The following CSMD3 variants were observed in gnomAD, a reference collection of about 807,000 sequenced individuals.
CSMD3 encodes the protein CUB and Sushi multiple domains 3.
In CSMD3, 177 loss-of-function variants were observed where a neutral mutation model predicts 435.2. That is an observed-to-expected ratio of 0.41 (90% CI 0.36 to 0.46). CSMD3 has a LOEUF of 0.46. Ranked by LOEUF, CSMD3 falls within the 20% of genes least tolerant of loss-of-function variation. The pLI is 0.34. For synonymous variants in CSMD3, 1,656 were observed against 1,520.5 expected (o/e 1.09, Z -2.07); for missense variants, 4,265 against 4,504.6 (o/e 0.95, Z 1.52).
At chr8:113,032,861 T>A (rs138815461) in intron 5 of CSMD3, among the ~76,000 whole-genome samples, 1 of 151,420 alleles carries the variant, frequency 6.6e-6, no homozygotes, top group African/African-American at 2.4e-5. Context: ...CAGGGCCCCA[T>A]TGGTCTGTGC....
chr8:112,720,765 T>C (rs1313176199), intron 13 of CSMD3, among the ~76,000 whole-genome samples: 2 of 152,224 alleles, frequency 1.3e-5, no homozygotes, highest in South Asian at 4.1e-4. Flanking sequence ...GTTCACAGTC[T>C]AGATTTCAGA....
chr8:113,234,893 C>G (rs2093129995), intron 3 of CSMD3, among the ~76,000 whole-genome samples: 2 of 151,942 alleles, frequency 1.3e-5, no homozygotes, highest in African/African-American at 4.8e-5. Context: ...GGGTCTGATT[C>G]TTTTTTTAAG....
At chr8:112,475,625 G>A (rs186527295) in intron 31 of CSMD3, among the ~76,000 whole-genome samples, 1 of 151,838 alleles carries the variant, frequency 6.6e-6, no homozygotes, top group African/African-American at 2.4e-5. Context: ...AAGTAATTGC[G>A]GTTTTGGGCA....
At chr8:112,334,928 A>C (rs1259289517) in intron 45 of CSMD3, among the ~76,000 whole-genome samples, 1 of 152,228 alleles carries the variant, frequency 6.6e-6, no homozygotes, top group Non-Finnish European at 1.5e-5. Context: ...CAAAGCGTGA[A>C]GATACTGAAT....
intron 13 of CSMD3, among the ~76,000 whole-genome samples, chr8:112,734,657 AATT>A (rs747360699): frequency 6.6e-6 from 1 of 151,902 alleles, no homozygotes; most frequent in Non-Finnish European, 1.5e-5. Flanking sequence ...CATTTTTAGG[AATT>A]ATTATTATTC....
intron 4 of CSMD3, among the ~76,000 whole-genome samples, chr8:113,154,924 T>C (rs2091902526): frequency 6.6e-6 from 1 of 152,048 alleles, no homozygotes; most frequent in Non-Finnish European, 1.5e-5. Context: ...GTCTATTTTG[T>C]GTCCTAATGA....
chr8:112,509,366 A>T (rs1822862770), intron 28 of CSMD3, among the ~76,000 whole-genome samples: 1 of 152,188 alleles, frequency 6.6e-6, no homozygotes, highest in Non-Finnish European at 1.5e-5. Flanking sequence ...CTGGGATTAC[A>T]GGTGTGAGCC....
chr8:112,902,420 T>G (rs1587625562), intron 10 of CSMD3, among the ~76,000 whole-genome samples: 2 of 151,352 alleles, frequency 1.3e-5, no homozygotes, highest in South Asian at 4.2e-4. Context: ...CCCAAGGGCA[T>G]CTCAGCTTTA....
At chr8:112,692,088 C>T (rs117363605) in intron 13 of CSMD3, among the ~76,000 whole-genome samples, 1 of 152,074 alleles carries the variant, frequency 6.6e-6, no homozygotes, top group African/African-American at 2.4e-5. Context: ...CAGGTGTGAG[C>T]CACTGCGCCC....
rs766694755 is a variant in CSMD3 at position 112,304,769 on chromosome 8, G to A, written c.8218C>T (p.Leu2740Phe). ...HGLGPASIEC[L>F]PNGTWSWRNE... ...CTCCAACTCCAAGTACCATTAGGAAGACATTCGATGGAGGCAGGACCTAGT... is the reference window on the plus strand; with the variant it reads ...CTCCAACTCCAAGTACCATTAGGAAAACATTCGATGGAGGCAGGACCTAGT... Residue 2740 changes from leucine (L) to phenylalanine (F), a missense_variant, in exon 52 of 71, where the codon CTT becomes TTT. Transcript: ENST00000297405. The A allele has an allele frequency of 5.0e-6, 8 of 1,613,752 alleles. No homozygotes were observed. In the African/African-American group the frequency reaches 8.0e-5, roughly 16 times the overall value.
chr8:113,128,118 C>G (rs10088226), intron 4 of CSMD3, among the ~76,000 whole-genome samples: 19,102 of 151,990 alleles, frequency 0.13, 2,077 homozygotes, highest in African/African-American at 0.29. Flanking sequence ...CTTTCATGAC[C>G]CATACAACAA....
chr8:113,333,974 A>T (rs2094048586), intron 1 of CSMD3, among the ~76,000 whole-genome samples: 1 of 151,924 alleles, frequency 6.6e-6, no homozygotes, highest in Non-Finnish European at 1.5e-5. Context: ...TTTTCAGGAT[A>T]GAAGTCCTAG....
At chr8:113,397,001 A>G (rs1203022696) in intron 1 of CSMD3, among the ~76,000 whole-genome samples, 2 of 152,174 alleles carry the variant, frequency 1.3e-5, no homozygotes, top group Non-Finnish European at 2.9e-5. Flanking sequence ...ATTTGTTGAA[A>G]TATTTTGAAA....
chr8:112,431,279 A>G (rs901993354), intron 32 of CSMD3, among the ~76,000 whole-genome samples: 3 of 152,152 alleles, frequency 2.0e-5, no homozygotes, highest in African/African-American at 7.2e-5. Flanking sequence ...CCAAAAATCA[A>G]TTATACTTTT....
intron 3 of CSMD3, among the ~76,000 whole-genome samples, chr8:113,264,861 T>C (rs1350107368): frequency 2.6e-5 from 4 of 151,806 alleles, no homozygotes; most frequent in African/African-American, 7.2e-5. Flanking sequence ...TTCCTTAACG[T>C]AGGAGATGTA....
intron 1 of CSMD3, among the ~76,000 whole-genome samples, chr8:113,317,212 T>C (rs544426699): frequency 6.6e-6 from 1 of 152,352 alleles, no homozygotes; most frequent in South Asian, 2.1e-4. Context: ...AGGTCTCTTT[T>C]TAAATTGCTT....
intron 5 of CSMD3, among the ~76,000 whole-genome samples, chr8:113,019,948 G>A (rs1389363393): frequency 6.6e-6 from 1 of 151,598 alleles, no homozygotes; most frequent in South Asian, 2.1e-4. Flanking sequence ...TGGATCATGA[G>A]GTCAGGAGAT....
chr8:112,355,401 G>A (rs560740933), intron 38 of CSMD3, among the ~76,000 whole-genome samples: 1 of 152,236 alleles, frequency 6.6e-6, no homozygotes, highest in Admixed American at 6.5e-5. Context: ...ACTGTTAAAG[G>A]AGTAGCAAAC....
chr8:112,657,982 C>T (rs922215926), intron 17 of CSMD3, among the ~76,000 whole-genome samples: 2 of 152,146 alleles, frequency 1.3e-5, no homozygotes, highest in African/African-American at 4.8e-5. Flanking sequence ...ATAGTAGACA[C>T]TCAATAAATA....
Sources: gnomAD v4.1 joint callset for allele counts (sites outside exome capture counted in the v4.1 genomes callset) on GRCh38, gnomAD v4.1.1 for gene constraint, MANE v1.5 for transcripts, NCBI Gene and HGNC (gene_info 2026-07-23, HGNC 2026-07-21) for gene names.